The following CNBD2 variants were observed in gnomAD, a reference collection of about 807,000 sequenced individuals.
CNBD2 encodes cyclic nucleotide-binding domain-containing protein 2.
A neutral mutation model predicts 63.7 loss-of-function variants in CNBD2; 64 were observed. The ratio of observed to expected loss-of-function variants is 1.00; its 90% CI spans 0.82 to 1.24. CNBD2 has a LOEUF of 1.24. CNBD2 is among the 50% of genes most tolerant of loss of function. CNBD2 has a pLI of 0.00. For synonymous variants in CNBD2, 229 were observed against 255.4 expected (o/e 0.90, Z 0.99); for missense variants, 691 against 713.5 (o/e 0.97, Z 0.36).
chr20:35,995,181 G>A (rs1376197597), intron 8 of CNBD2, 29 bp downstream of exon 8: 2 of 1,467,436 alleles, frequency 1.4e-6, no homozygotes, highest in Admixed American at 1.7e-5. Context: ...TCTGACAGCA[G>A]GGGGCGCCTG....
chr20:36,029,527 C>T (rs969720434), intron 11 of CNBD2, among the ~76,000 whole-genome samples: 1 of 152,134 alleles, frequency 6.6e-6, no homozygotes, highest in African/African-American at 2.4e-5. Flanking sequence ...TTTCAAACTA[C>T]CAACCTGCTG....
intron 3 of CNBD2, among the ~76,000 whole-genome samples, chr20:35,976,669 AT>A (rs1333816578): frequency 6.6e-6 from 1 of 152,108 alleles, no homozygotes; most frequent in African/African-American, 2.4e-5. Context: ...TGTTCCCTGA[AT>A]TTCAATCTCA....
intron 8 of CNBD2, among the ~76,000 whole-genome samples, chr20:36,002,594 A>G (rs1212154502): frequency 3.9e-5 from 6 of 152,186 alleles, no homozygotes; most frequent in Non-Finnish European, 7.4e-5. Context: ...CCTGGCCAAC[A>G]TTTTTATTTT....
chr20:36,030,547 C>G lies in CNBD2; in HGVS notation c.1630C>G (p.Arg544Gly). Residue 544 changes from arginine to glycine, a missense_variant, in exon 12 of 12, where the codon CGT (arginine) becomes GGT (glycine). Transcript: ENST00000373973. ...CAGCATCAACAAGACGACTAAACCTCGTTATCCTATTTTTATGGCACCCCA... is the reference window on the plus strand; with the variant it reads ...CAGCATCAACAAGACGACTAAACCTGGTTATCCTATTTTTATGGCACCCCA... ...LCSINKTTKP[R>G]YPIFMAPQKY... 6.2e-7 allele frequency: 1 copy of G among 1,614,104 alleles called. No individual in the cohort carries two copies. Among genetic ancestry groups the G allele is most frequent in the Non-Finnish European group, 8.5e-7 (1 of 1,180,018 alleles).
At chr20:35,986,328 C>G (rs996771924) in intron 6 of CNBD2, among the ~76,000 whole-genome samples, 1 of 151,780 alleles carries the variant, frequency 6.6e-6, no homozygotes, top group Non-Finnish European at 1.5e-5. Flanking sequence ...AAGGGAGGAG[C>G]TGTTTTTTTT....
In CNBD2 at chr20:36,011,173, C is replaced by T. The variant is rs1442103170; in HGVS notation, c.1185C>T (p.Ile395=). Residue 395 remains isoleucine, a synonymous_variant, in exon 10 of 12, where the codon ATC becomes ATT. Transcript: ENST00000373973. ...RPAQSIKCAM[I]NIKPGELPKE... Reference sequence around the variant, plus strand: ...CTCAGTCGATCAAATGTGCCATGATCAATATCAAGCCTGGTGAGCTCCCCA... The same window carrying T: ...CTCAGTCGATCAAATGTGCCATGATTAATATCAAGCCTGGTGAGCTCCCCA... The T allele has an allele frequency of 3.1e-6, 5 of 1,596,886 alleles. No homozygotes were observed. The highest frequency in any genetic ancestry group is 1.3e-5 in the African/African-American group (1 of 74,224).
At chr20:36,002,652 C>T (rs144069903) in intron 8 of CNBD2, among the ~76,000 whole-genome samples, 120 of 152,202 alleles carry the variant, frequency 7.9e-4, no homozygotes, top group African/African-American at 2.8e-3. Context: ...ACACAGTGTA[C>T]CTTTTTGCTT....
intron 8 of CNBD2, among the ~76,000 whole-genome samples, chr20:36,001,484 G>A (rs1310917991): frequency 6.7e-5 from 10 of 150,090 alleles, no homozygotes; most frequent in East Asian, 2.0e-4. Flanking sequence ...GCGGCTGGCC[G>A]GGCGGGGGGC....
At chr20:36,004,628 C>A (rs770221098) in intron 8 of CNBD2, among the ~76,000 whole-genome samples, 12 of 151,724 alleles carry the variant, frequency 7.9e-5, no homozygotes, top group Non-Finnish European at 1.6e-4. Flanking sequence ...GTGCAGTGAC[C>A]TGTTCATAGC....
chr20:36,000,557 T>G (rs2056882255), intron 8 of CNBD2, among the ~76,000 whole-genome samples: 1 of 151,786 alleles, frequency 6.6e-6, no homozygotes, highest in African/African-American at 2.4e-5. Flanking sequence ...TTGTATTTGT[T>G]GTTGTTGTTG....
At chr20:35,991,760 G>C (rs1568883847) in intron 7 of CNBD2, among the ~76,000 whole-genome samples, 1 of 152,214 alleles carries the variant, frequency 6.6e-6, no homozygotes, top group African/African-American at 2.4e-5. Context: ...AGTCTGGTAA[G>C]GATGAGAATC....
chr20:35,957,134 AGGAG>A (rs2056264245), downstream of CNBD2, among the ~76,000 whole-genome samples: 2 of 152,194 alleles, frequency 1.3e-5, no homozygotes, highest in Non-Finnish European at 2.9e-5. Flanking sequence ...TAGAGATAGG[AGGAG>A]GGACCTGAGA....
chr20:35,961,596 CT>C (rs1385072638), intron 2 of CNBD2, among the ~76,000 whole-genome samples: 4 of 152,026 alleles, frequency 2.6e-5, no homozygotes, highest in Non-Finnish European at 4.4e-5. Flanking sequence ...CCTCCCTCTC[CT>C]GCTTTTTTCA....
chr20:35,980,867 G>A (rs2056589806), intron 4 of CNBD2, among the ~76,000 whole-genome samples: 2 of 152,210 alleles, frequency 1.3e-5, no homozygotes. Flanking sequence ...CCTCAGAGAG[G>A]ATCTGGTCCA....
upstream of CNBD2, chr20:35,968,536 T>C: frequency 2.2e-6 from 1 of 454,380 alleles, no homozygotes; most frequent in South Asian, 2.2e-5. Context: ...CTGTGTCCCC[T>C]GCCTCCAGAA....
At chr20:35,997,564 C>T (rs542593684) in intron 8 of CNBD2, among the ~76,000 whole-genome samples, 1 of 152,330 alleles carries the variant, frequency 6.6e-6, no homozygotes, top group South Asian at 2.1e-4. Context: ...TGATGTGATA[C>T]TGGGCAAGTG....
intron 9 of CNBD2, among the ~76,000 whole-genome samples, chr20:36,009,794 T>C (rs561555442): frequency 5.1e-4 from 77 of 152,274 alleles, no homozygotes; most frequent in Admixed American, 2.0e-3. Context: ...ATCACGCCAC[T>C]GTACTTCAGC....
At chr20:35,966,607 A>G (rs185979012), upstream of CNBD2, among the ~76,000 whole-genome samples, 22 of 152,262 alleles carry the variant, frequency 1.4e-4, no homozygotes, top group African/African-American at 4.6e-4. Context: ...GTTCCATTCA[A>G]TATTTGACAC....
chr20:35,958,467 A>G (rs1377748034), downstream of CNBD2, among the ~76,000 whole-genome samples: 7 of 152,228 alleles, frequency 4.6e-5, no homozygotes, highest in Admixed American at 4.6e-4. Context: ...GGAAATAATT[A>G]TAGATTCATA....
Sources: allele counts gnomAD v4.1 joint callset (sites outside exome capture counted in the v4.1 genomes callset), GRCh38; gene constraint gnomAD v4.1.1; transcripts MANE v1.5; gene names NCBI Gene and HGNC (gene_info 2026-07-23, HGNC 2026-07-21).